The following CNTNAP5 variants were observed in gnomAD, a reference collection of about 807,000 sequenced individuals.
CNTNAP5 encodes the protein contactin associated protein family member 5.
Under a neutral mutation model 150.2 loss-of-function variants are expected in CNTNAP5, and 72 were observed. That is an observed-to-expected ratio of 0.48 (90% CI 0.40 to 0.58). The LOEUF is 0.58. Among genes scored for constraint, CNTNAP5 ranks in the 20% least tolerant of loss-of-function variants. CNTNAP5 has a pLI of 0.00. For synonymous variants in CNTNAP5, 672 were observed against 619.8 expected (o/e 1.08, Z -1.25); for missense variants, 1,636 against 1,626.2 (o/e 1.01, Z -0.10).
intron 22 of CNTNAP5, among the ~76,000 whole-genome samples, chr2:124,907,379 C>T (rs887451216): frequency 3.3e-5 from 5 of 151,672 alleles, no homozygotes; most frequent in African/African-American, 9.7e-5. Context: ...TTAGCTCTCT[C>T]TCTATCTCTA....
intron 19 of CNTNAP5, among the ~76,000 whole-genome samples, chr2:124,805,469 C>A (rs1682062690): frequency 1.3e-5 from 2 of 152,158 alleles, no homozygotes; most frequent in African/African-American, 4.8e-5. Flanking sequence ...CACCTCAACC[C>A]CAACAACTTT....
chr2:124,496,504 G>A (rs1694150930), intron 7 of CNTNAP5, among the ~76,000 whole-genome samples: 1 of 152,164 alleles, frequency 6.6e-6, no homozygotes, highest in Admixed American at 6.5e-5. Context: ...ACTCACCAGG[G>A]TGTTGTGGCG....
intron 12 of CNTNAP5, among the ~76,000 whole-genome samples, chr2:124,630,218 A>AT (rs1369973384): frequency 1.3e-5 from 2 of 152,196 alleles, no homozygotes; most frequent in Non-Finnish European, 2.9e-5. Context: ...TCCCTAACTC[A>AT]TTTTATGACA....
At chr2:124,312,410 G>A (rs929926622) in intron 3 of CNTNAP5, among the ~76,000 whole-genome samples, 11 of 152,116 alleles carry the variant, frequency 7.2e-5, no homozygotes, top group African/African-American at 1.9e-4. Context: ...GTGCAATGGC[G>A]TGATCTCGGC....
At chr2:124,406,540 C>G (rs911442323) in intron 3 of CNTNAP5, among the ~76,000 whole-genome samples, 3 of 152,098 alleles carry the variant, frequency 2.0e-5, no homozygotes, top group Non-Finnish European at 4.4e-5. Flanking sequence ...TTATATTTAA[C>G]CATGCAGTTT....
chr2:124,462,009 G>T (rs1693268171), intron 6 of CNTNAP5, among the ~76,000 whole-genome samples: 1 of 151,956 alleles, frequency 6.6e-6, no homozygotes. Flanking sequence ...TTATTATTAT[G>T]TATGGCATTT....
intron 13 of CNTNAP5, among the ~76,000 whole-genome samples, chr2:124,709,229 G>A (rs1397503050): frequency 9.6e-6 from 1 of 104,066 alleles, no homozygotes; most frequent in Non-Finnish European, 2.3e-5. Flanking sequence ...GTGTGTGTGT[G>A]TGCGTGTGTG....
intron 1 of CNTNAP5, among the ~76,000 whole-genome samples, chr2:124,185,885 C>T (rs771881475): frequency 1.3e-5 from 2 of 152,144 alleles, no homozygotes; most frequent in Non-Finnish European, 2.9e-5. Context: ...GGTTATAATC[C>T]GCTCCTAACT....
chr2:124,707,039 A>AAGAAGGAGGAGG (rs1553433616), intron 13 of CNTNAP5, among the ~76,000 whole-genome samples: 2 of 81,932 alleles, frequency 2.4e-5, no homozygotes, highest in Non-Finnish European at 5.0e-5. Context: ...GAAGAAGAAG[A>AAGAAGGAGGAGG]AGGAGGAGGA....
chr2:124,411,011 G>A (rs965113992), intron 3 of CNTNAP5, among the ~76,000 whole-genome samples: 7 of 151,884 alleles, frequency 4.6e-5, no homozygotes, highest in South Asian at 2.1e-4. Context: ...AAAGAGAGAA[G>A]AATCAAATAG....
At chr2:124,782,878 A>G (rs1315459606) in intron 17 of CNTNAP5, among the ~76,000 whole-genome samples, 3 of 152,190 alleles carry the variant, frequency 2.0e-5, no homozygotes, top group Admixed American at 2.0e-4. Context: ...AGCACTATTC[A>G]AAATAGCCAA....
At chr2:124,214,140 C>T (rs1429131748) in intron 1 of CNTNAP5, among the ~76,000 whole-genome samples, 1 of 152,162 alleles carries the variant, frequency 6.6e-6, no homozygotes, top group Non-Finnish European at 1.5e-5. Context: ...GTTGCAGTGA[C>T]TGTGAGCAAC....
At chr2:124,515,789 A>G (rs1039727247) in intron 8 of CNTNAP5, among the ~76,000 whole-genome samples, 3 of 152,242 alleles carry the variant, frequency 2.0e-5, no homozygotes, top group Non-Finnish European at 4.4e-5. Context: ...CACATGGTCC[A>G]GCTGGAGCAG....
intron 1 of CNTNAP5, among the ~76,000 whole-genome samples, chr2:124,075,754 C>T (rs1288450407): frequency 2.0e-5 from 3 of 152,088 alleles, no homozygotes; most frequent in African/African-American, 7.2e-5. Context: ...TCAGCAATCA[C>T]TGAAAGACTT....
chr2:124,823,969 A>G (rs1682541619), intron 19 of CNTNAP5, among the ~76,000 whole-genome samples: 1 of 150,566 alleles, frequency 6.6e-6, no homozygotes, highest in African/African-American at 2.5e-5. Context: ...CCCAGGCTGA[A>G]GTGCAATGGC....
chr2:124,060,025 G>T (rs566835417), intron 1 of CNTNAP5, among the ~76,000 whole-genome samples: 14 of 152,146 alleles, frequency 9.2e-5, no homozygotes, highest in Non-Finnish European at 2.1e-4. Context: ...AATAGTCGAT[G>T]ATTTGTAAGA....
intron 1 of CNTNAP5, among the ~76,000 whole-genome samples, chr2:124,148,877 C>CACACACATATATGTATGTATATATATAT (rs1558775481): frequency 1.3e-5 from 2 of 149,722 alleles, no homozygotes. Flanking sequence ...TATATATATA[C>CACACACATATATGTATGTATATATATAT]ACACACACAT....
intron 3 of CNTNAP5, among the ~76,000 whole-genome samples, chr2:124,364,528 G>C (rs1690314283): frequency 6.6e-6 from 1 of 152,084 alleles, no homozygotes; most frequent in South Asian, 2.1e-4. Context: ...AGCTCCAGGA[G>C]GGCATAAATC....
chr2:124,786,391 G>GAA (rs1233329062), intron 17 of CNTNAP5, among the ~76,000 whole-genome samples: 1 of 83,418 alleles, frequency 1.2e-5, no homozygotes, highest in African/African-American at 5.6e-5. Context: ...AAGAAAGAAA[G>GAA]AAAGAAAGAA....
Sources: allele counts gnomAD v4.1 joint callset (sites outside exome capture counted in the v4.1 genomes callset), GRCh38; gene constraint gnomAD v4.1.1; transcripts MANE v1.5; gene names NCBI Gene and HGNC (gene_info 2026-07-23, HGNC 2026-07-21).